DLG2: variants seen among roughly 807,000 people sequenced by gnomAD.
The protein encoded by DLG2 is discs large MAGUK scaffold protein 2.
In DLG2, 45 loss-of-function variants were observed where a neutral mutation model predicts 132.5. The observed-to-expected ratio is 0.34, with a 90% CI of 0.27 to 0.44. The LOEUF is 0.44. Ranked by LOEUF, DLG2 falls within the 20% of genes least tolerant of loss-of-function variation. The probability of loss-of-function intolerance (pLI) is 1.00; values close to 1 mark genes in which losing one functional copy is unlikely to be tolerated. For missense variants in DLG2, 1,045 were observed against 1,196.9 expected, an observed-to-expected ratio of 0.87 and a Z score of 1.87; for synonymous variants, 424 against 419.6, an observed-to-expected ratio of 1.01 and a Z score of -0.13.
chr11:83,574,261 G>T (rs2096841628), intron 19 of DLG2, among the ~76,000 whole-genome samples: 1 of 152,062 alleles, frequency 6.6e-6, no homozygotes, highest in Admixed American at 6.6e-5. Context: ...ATATCAGCAT[G>T]TACTGATTTT....
intron 18 of DLG2, among the ~76,000 whole-genome samples, chr11:83,736,682 A>G (rs1303136589): frequency 6.6e-6 from 1 of 152,160 alleles, no homozygotes; most frequent in Non-Finnish European, 1.5e-5. Context: ...TTGAAAATGT[A>G]GTTGCTCTCT....
chr11:85,368,591 A>G (rs377362309), intron 3 of DLG2, among the ~76,000 whole-genome samples: 2 of 152,202 alleles, frequency 1.3e-5, no homozygotes, highest in African/African-American at 2.4e-5. Context: ...CTTCTAGAGT[A>G]TAGAACGAGG....
intron 3 of DLG2, among the ~76,000 whole-genome samples, chr11:85,384,355 T>C (rs2086146948): frequency 2.6e-5 from 4 of 152,172 alleles, no homozygotes; most frequent in Admixed American, 2.6e-4. Flanking sequence ...GATCCTAAAA[T>C]TCATATAGAA....
chr11:84,695,146 C>A (rs1237100411), intron 6 of DLG2, among the ~76,000 whole-genome samples: 1 of 151,444 alleles, frequency 6.6e-6, no homozygotes, highest in African/African-American at 2.4e-5. Context: ...CTATTGTGTT[C>A]CAAGCATTAT....
chr11:85,574,797 C>T (rs1441005485), intron 3 of DLG2, among the ~76,000 whole-genome samples: 6 of 152,180 alleles, frequency 3.9e-5, no homozygotes, highest in Non-Finnish European at 8.8e-5. Context: ...TGAGCAGATG[C>T]GGGTGCCAGG....
intron 17 of DLG2, among the ~76,000 whole-genome samples, chr11:83,800,992 T>A (rs2044222632): frequency 6.6e-6 from 1 of 152,212 alleles, no homozygotes; most frequent in Non-Finnish European, 1.5e-5. Context: ...TGCAGATAGA[T>A]GTGTAAGACT....
chr11:84,240,709 T>C (rs1180669554), intron 8 of DLG2, among the ~76,000 whole-genome samples: 1 of 152,106 alleles, frequency 6.6e-6, no homozygotes, highest in East Asian at 1.9e-4. Context: ...AAGGTAAGGA[T>C]ATAGGAAAAT....
chr11:84,343,579 C>T (rs569612124), intron 7 of DLG2, among the ~76,000 whole-genome samples: 67 of 152,216 alleles, frequency 4.4e-4, no homozygotes, highest in South Asian at 1.0e-3. Flanking sequence ...TTAACACACA[C>T]GGAGCATTTG....
chr11:85,568,760 C>A (rs544655321), intron 3 of DLG2, among the ~76,000 whole-genome samples: 2 of 151,906 alleles, frequency 1.3e-5, no homozygotes, highest in Non-Finnish European at 2.9e-5. Flanking sequence ...GTAAAGCTCA[C>A]ACTTTCAATC....
intron 21 of DLG2, among the ~76,000 whole-genome samples, chr11:83,517,939 G>A (rs1374633660): frequency 6.6e-6 from 1 of 152,194 alleles, no homozygotes; most frequent in African/African-American, 2.4e-5. Context: ...TTACTGGGGG[G>A]TGACTCCCAG....
intron 6 of DLG2, among the ~76,000 whole-genome samples, chr11:84,613,107 C>T (rs2099598206): frequency 6.6e-6 from 1 of 152,116 alleles, no homozygotes; most frequent in South Asian, 2.1e-4. Context: ...CTGCAAGACG[C>T]TGGGGACTGG....
In DLG2 at chr11:85,079,788, G is replaced by A. The variant is rs1456682051; in HGVS notation, c.357+31873C>T. The stretch of plus-strand genomic sequence containing the variant: ...TAGGTTTACAGGCATGTGCCACCAC[G>A]CCTGGCTAATTTTTTGTACTTGTAG... On this transcript the variant is annotated intron_variant, in intron 6 of 27. Coordinates refer to ENST00000376104, the MANE Select transcript of DLG2 (RefSeq NM_001142699.3). Among the ~76,000 whole-genome samples, 7 of 152,100 alleles carry A rather than the reference G, an allele frequency of 4.6e-5. 1 individual carries two copies. Among genetic ancestry groups the A allele is most frequent in the Middle Eastern group, 6.8e-3 (2 of 294 alleles).
intron 6 of DLG2, among the ~76,000 whole-genome samples, chr11:84,975,136 G>T (rs538533785): frequency 6.6e-6 from 1 of 151,970 alleles, no homozygotes; most frequent in African/African-American, 2.4e-5. Context: ...GGATGAATAG[G>T]GATTACTGTT....
intron 6 of DLG2, among the ~76,000 whole-genome samples, chr11:84,850,673 A>G (rs2082066273): frequency 6.6e-6 from 1 of 152,150 alleles, no homozygotes; most frequent in Non-Finnish European, 1.5e-5. Context: ...CAAAAAGCTA[A>G]TAGAATAAAC....
chr11:85,132,868 T>C (rs1318669799), intron 5 of DLG2: 2 of 456,474 alleles, frequency 4.4e-6, no homozygotes, highest in Non-Finnish European at 8.8e-6. Context: ...GAAAAGCCTT[T>C]TGGAAATTGC....
At chr11:83,637,686 A>C (rs1015237272) in intron 18 of DLG2, among the ~76,000 whole-genome samples, 3 of 152,210 alleles carry the variant, frequency 2.0e-5, no homozygotes, top group East Asian at 3.9e-4. Flanking sequence ...GGCTTCCTCA[A>C]TTCTCCACCC....
intron 3 of DLG2, among the ~76,000 whole-genome samples, chr11:85,578,497 C>A (rs1339539173): frequency 6.6e-6 from 1 of 152,026 alleles, no homozygotes; most frequent in Non-Finnish European, 1.5e-5. Flanking sequence ...ATGCATCTAA[C>A]AAAGGTCTAA....
chr11:85,090,110 C>T (rs1437223835), intron 6 of DLG2, among the ~76,000 whole-genome samples: 3 of 152,134 alleles, frequency 2.0e-5, no homozygotes, highest in Non-Finnish European at 4.4e-5. Context: ...ATTAGGCACA[C>T]ATGTATATAA....
intron 2 of DLG2, among the ~76,000 whole-genome samples, chr11:85,601,555 G>A (rs766530412): frequency 3.9e-5 from 6 of 152,030 alleles, no homozygotes; most frequent in Non-Finnish European, 8.8e-5. Context: ...TGGCCAGGAT[G>A]GTCTTGATCT....
Sources: gnomAD v4.1 joint callset for allele counts (sites outside exome capture counted in the v4.1 genomes callset) on GRCh38, gnomAD v4.1.1 for gene constraint, MANE v1.5 for transcripts, NCBI Gene and HGNC (gene_info 2026-07-23, HGNC 2026-07-21) for gene names.